The following SPRYD7 variants were observed in gnomAD, a reference collection of about 807,000 sequenced individuals.
SPRYD7 encodes SPRY domain containing 7.
Under a neutral mutation model 23.8 loss-of-function variants are expected in SPRYD7, and 14 were observed. That is an observed-to-expected ratio of 0.59 (90% CI 0.39 to 0.92). The LOEUF (loss-of-function observed/expected upper bound fraction) is 0.92. Among genes scored for constraint, SPRYD7 ranks in the 40% least tolerant of loss-of-function variants. The probability of loss-of-function intolerance (pLI) is 0.00; values close to 1 mark genes in which losing one functional copy is unlikely to be tolerated. For missense variants in SPRYD7, 194 were observed against 241.7 expected, an observed-to-expected ratio of 0.80 and a Z score of 1.31; for synonymous variants, 75 against 84.9, an observed-to-expected ratio of 0.88 and a Z score of 0.64.
rs139169334 is a variant in SPRYD7 at position 49,918,856 on chromosome 13, A to G, written c.493+2622T>C. 5.9e-3 allele frequency among the ~76,000 whole-genome samples: 893 copies of G among 151,770 alleles called. 2 individuals carry two copies. The highest frequency in any genetic ancestry group is 9.5e-3 in the Non-Finnish European group (643 of 67,950). Reference sequence around the variant, plus strand: ...CAGCCTCCCATGTAACTGGGATTACAGGAGTGCGCTACCACGTCTGGCTAA... The same window carrying G: ...CAGCCTCCCATGTAACTGGGATTACGGGAGTGCGCTACCACGTCTGGCTAA... On this transcript the variant is annotated intron_variant, in intron 4 of 4. Coordinates refer to ENST00000361840, the MANE Select transcript of SPRYD7 (RefSeq NM_020456.4).
intron 2 of SPRYD7, among the ~76,000 whole-genome samples, 183 bp from the exon 3 acceptor site, chr13:49,928,268 C>G (rs1401668406): frequency 6.6e-6 from 1 of 151,976 alleles, no homozygotes; most frequent in African/African-American, 2.4e-5. Context: ...ATGCCCAAAC[C>G]CCGTCTCTAC....
At chr13:49,924,938 T>C (rs996364292) in intron 3 of SPRYD7, among the ~76,000 whole-genome samples, 4 of 148,544 alleles carry the variant, frequency 2.7e-5, no homozygotes, top group Non-Finnish European at 5.9e-5. Flanking sequence ...ACTGCATCAT[T>C]GCACTTCAGC....
intron 2 of SPRYD7, 74 bp from the exon 3 acceptor site, chr13:49,928,159 A>G: frequency 7.4e-7 from 1 of 1,346,292 alleles, no homozygotes; most frequent in South Asian, 1.4e-5. Flanking sequence ...AAGGGAGTAT[A>G]AACTTTTTAA....
chr13:49,920,205 C>T (rs1307912284), intron 4 of SPRYD7, among the ~76,000 whole-genome samples: 5 of 151,712 alleles, frequency 3.3e-5, no homozygotes, highest in South Asian at 2.1e-4. Flanking sequence ...GAGCTGTGAT[C>T]GGGCCACTGC....
At chr13:49,919,967 G>A (rs931079828) in intron 4 of SPRYD7, among the ~76,000 whole-genome samples, 3 of 151,882 alleles carry the variant, frequency 2.0e-5, no homozygotes, top group African/African-American at 7.3e-5. Context: ...AAACCCGATT[G>A]GTTACAAGTT....
intron 4 of SPRYD7, among the ~76,000 whole-genome samples, chr13:49,917,268 T>C (rs1489945043): frequency 6.6e-6 from 1 of 152,086 alleles, no homozygotes; most frequent in African/African-American, 2.4e-5. Context: ...CACACCCAGC[T>C]AATTTTTTGT....
At chr13:49,933,388 G>A (rs79606875) in intron 1 of SPRYD7, among the ~76,000 whole-genome samples, 2 of 152,050 alleles carry the variant, frequency 1.3e-5, no homozygotes, top group African/African-American at 2.4e-5. Flanking sequence ...ATTACTTGAG[G>A]TCAGGAGTTC....
rs756415957 is a variant in SPRYD7 at position 49,936,119 on chromosome 13, A to C, written c.106+11T>G. On this transcript the variant is annotated intron_variant, in intron 1 of 4. Coordinates refer to ENST00000361840, the MANE Select transcript of SPRYD7 (RefSeq NM_020456.4). ...GTGAGCCGTTGGGTCTGGGGAAGGG[A>C]GGGCCCTTACCCATGTGCTGCGTGT... is the stretch of plus-strand genomic sequence containing the variant. 3 of 1,553,774 alleles carry C rather than the reference A, an allele frequency of 1.9e-6. No homozygotes were observed. In the African/African-American group the frequency reaches 4.2e-5, roughly 22 times the overall value.
intron 3 of SPRYD7, among the ~76,000 whole-genome samples, chr13:49,926,127 T>C (rs565354908): frequency 6.6e-6 from 1 of 152,350 alleles, no homozygotes; most frequent in East Asian, 1.9e-4. Flanking sequence ...TTTTCTTTTC[T>C]TGGCTCTGCA....
rs1043647583 is a variant in SPRYD7, at chr13:49,919,539, T to C, written c.493+1939A>G. ...AGTCTGGCGATGGAATGAGACTCTG[T>C]CTCAAAAAAAACAAAACAATACAAA... On this transcript the variant is annotated intron_variant, in intron 4 of 4. Coordinates refer to ENST00000361840, the MANE Select transcript of SPRYD7 (RefSeq NM_020456.4). Among the ~76,000 whole-genome samples the C allele has an allele frequency of 4.8e-4, 71 of 149,346 alleles. 1 individual carries two copies. Among genetic ancestry groups the C allele is most frequent in the African/African-American group, 1.8e-3 (71 of 40,384 alleles).
intron 2 of SPRYD7, among the ~76,000 whole-genome samples, chr13:49,929,820 C>G (rs1026324725): frequency 1.4e-5 from 2 of 140,020 alleles, no homozygotes; most frequent in Non-Finnish European, 1.5e-5. Context: ...GACGGAGTCT[C>G]ACTCTGTTGC....
intron 1 of SPRYD7, among the ~76,000 whole-genome samples, chr13:49,932,493 A>T (rs1167101445): frequency 6.6e-6 from 1 of 152,244 alleles, no homozygotes; most frequent in African/African-American, 2.4e-5. Context: ...AATGTCTATC[A>T]GAGAATATAC....
intron 3 of SPRYD7, among the ~76,000 whole-genome samples, chr13:49,925,281 A>G (rs1169782791): frequency 2.6e-5 from 4 of 152,090 alleles, no homozygotes; most frequent in African/African-American, 9.7e-5. Context: ...AGTCCCAGCT[A>G]CTAGAGAGGC....
Position 49,912,787 on chromosome 13 carries a change from C to T in SPRYD7, c.*2276G>A, listed in dbSNP as rs1055203024. Reference sequence around the variant, plus strand: ...ATTAAAATTATGATAGAAAGCCAGACAAAATGCATAATACATACATAGTTA... The same window carrying T: ...ATTAAAATTATGATAGAAAGCCAGATAAAATGCATAATACATACATAGTTA... On this transcript the variant is annotated 3_prime_UTR_variant, in exon 5 of 5. Transcript: ENST00000361840. 1 of 152,058 alleles carries T rather than the reference C, an allele frequency of 6.6e-6. No individual in the cohort carries two copies. The highest frequency in any genetic ancestry group is 1.5e-5 in the Non-Finnish European group (1 of 68,028). The allele number at this position is 152,058 out of a possible 1,614,324, so 9.4% of individuals were successfully genotyped here. A position where few individuals can be genotyped will look rare whatever the true frequency, so the allele number is the denominator to read the frequency against.
rs1320532968 is a variant in SPRYD7 at position 49,913,103 on chromosome 13, G to A, written c.*1960C>T. The A allele has an allele frequency of 1.3e-5, 2 of 152,176 alleles. No individual in the cohort carries two copies. Among genetic ancestry groups the A allele is most frequent in the Admixed American group, 1.3e-4 (2 of 15,266 alleles). 9.4% of individuals were successfully genotyped at this position (152,176 alleles called of 1,614,324 possible). On this transcript the variant is annotated 3_prime_UTR_variant, in exon 5 of 5. Transcript: ENST00000361840. The stretch of plus-strand genomic sequence containing the variant: ...TTTAACAAGTTCCAGTGATGCTGAT[G>A]TTGCCGGTCTGAGAAGCATCATGAG...
chr13:49,934,602 T>G (rs1871533510), intron 1 of SPRYD7, among the ~76,000 whole-genome samples: 1 of 148,762 alleles, frequency 6.7e-6, no homozygotes, highest in Non-Finnish European at 1.5e-5. Context: ...AAAACTTCCA[T>G]GCAGTTAGAA....
At chr13:49,924,283 G>A (rs538102719) in intron 3 of SPRYD7, among the ~76,000 whole-genome samples, 39 of 151,674 alleles carry the variant, frequency 2.6e-4, no homozygotes, top group South Asian at 6.3e-4. Context: ...CACCGCACCC[G>A]GCCAGAGACA....
At chr13:49,918,043 T>C (rs771450476) in intron 4 of SPRYD7, among the ~76,000 whole-genome samples, 2 of 152,142 alleles carry the variant, frequency 1.3e-5, no homozygotes, top group Non-Finnish European at 2.9e-5. Context: ...GATACTGCTA[T>C]TTTTATTTTA....
chr13:49,924,909 A>G (rs955124055), intron 3 of SPRYD7, among the ~76,000 whole-genome samples: 1 of 150,818 alleles, frequency 6.6e-6, no homozygotes, highest in African/African-American at 2.4e-5. Flanking sequence ...CCGGGAGGTG[A>G]AGGTTGCAGT....
Sources: gnomAD v4.1 joint callset for allele counts (sites outside exome capture counted in the v4.1 genomes callset) on GRCh38, gnomAD v4.1.1 for gene constraint, MANE v1.5 for transcripts, NCBI Gene and HGNC (gene_info 2026-07-23, HGNC 2026-07-21) for gene names.